Variants in ZNF423 observed in about 807,000 individuals in gnomAD.
ZNF423 encodes the protein zinc finger protein 423.
A neutral mutation model predicts 95.8 loss-of-function variants in ZNF423; 12 were observed. That is an observed-to-expected ratio of 0.13 (90% CI 0.08 to 0.20). The LOEUF (loss-of-function observed/expected upper bound fraction) is 0.20. ZNF423 is among the 10% of genes least tolerant of loss of function. The pLI, the probability that ZNF423 is intolerant of heterozygous loss-of-function variation, is 1.00. For missense variants in ZNF423, 1,316 were observed against 1,737.1 expected (o/e 0.76, Z 4.31); for synonymous variants, 749 against 711.9 (o/e 1.05, Z -0.83).
In ZNF423 at chr16:49,620,132, T is replaced by TACACAC. The variant is rs56739115; in HGVS notation, c.3601+6032_3601+6037dup. On this transcript the variant is annotated intron_variant, in intron 5 of 7. Coordinates refer to ENST00000563137, the MANE Select transcript of ZNF423 (RefSeq NM_001379286.1). ...TCTCCCTCTTTCCCTCTCTCTCTTCTACACACACACACACACACACACACA... is the reference window on the plus strand; with the variant it reads ...TCTCCCTCTTTCCCTCTCTCTCTTCTACACACACACACACACACACACACACACACA... Among the ~76,000 whole-genome samples, 872 of 143,858 alleles carry TACACAC rather than the reference T, an allele frequency of 6.1e-3. 5 individuals carry two copies. The highest frequency in any genetic ancestry group is 0.019 in the African/African-American group (760 of 39,164). The allele number at this position is 143,858 out of a possible 152,430, so 94.4% of individuals were successfully genotyped here. A position where few individuals can be genotyped will look rare whatever the true frequency, so the allele number is the denominator to read the frequency against.
chr16:49,795,758 G>A (rs1338157426), intron 1 of ZNF423, among the ~76,000 whole-genome samples: 1 of 152,238 alleles, frequency 6.6e-6, no homozygotes, highest in Non-Finnish European at 1.5e-5. Context: ...CCCCCAAGCT[G>A]TGGAGACTGA....
Position 49,833,922 on chromosome 16 carries a change from C to CCA in ZNF423, c.40+21811_40+21812dup, listed in dbSNP as rs1457797770. 2.6e-5 allele frequency among the ~76,000 whole-genome samples: 4 copies of CCA among 152,162 alleles called. No individual in the cohort carries two copies. The East Asian group carries it at 7.7e-4, about 29-fold the overall frequency. On this transcript the variant is annotated intron_variant, in intron 1 of 7. Transcript: ENST00000563137. The stretch of plus-strand genomic sequence containing the variant: ...CACTTGGCTCCTGTACTCGGTCAGG[C>CCA]CACTGGACCACAGAACTGGAACTCA...
At chr16:49,854,420 C>T (rs1277561119) in intron 1 of ZNF423, 1 of 985,408 alleles carries the variant, frequency 1.0e-6, no homozygotes, top group Non-Finnish European at 1.2e-6. Flanking sequence ...TCCAGCCAGG[C>T]GCAAGGCTGG....
At chr16:49,698,183 CTTGT>C (rs994427653) in intron 3 of ZNF423, among the ~76,000 whole-genome samples, 2 of 152,290 alleles carry the variant, frequency 1.3e-5, no homozygotes, top group South Asian at 2.1e-4. Flanking sequence ...CTTTTTCTGA[CTTGT>C]TTGTTTGTAA....
rs137872789 is a variant in ZNF423 at position 49,828,725 on chromosome 16, T to G, written c.40+27010A>C. 6.2e-4 allele frequency among the ~76,000 whole-genome samples: 95 copies of G among 152,350 alleles called. 2 individuals carry two copies. The highest frequency in any genetic ancestry group is 2.3e-3 in the African/African-American group (95 of 41,586). ...GGCGCCATGCTCCAGGCGAGTCCTGTGTGGATCCTTGTACATACACTACAG... is the reference window on the plus strand; with the variant it reads ...GGCGCCATGCTCCAGGCGAGTCCTGGGTGGATCCTTGTACATACACTACAG... On this transcript the variant is annotated intron_variant, in intron 1 of 7. Coordinates refer to ENST00000563137, the MANE Select transcript of ZNF423 (RefSeq NM_001379286.1).
At chr16:49,765,425 A>G (rs923132957) in intron 2 of ZNF423, among the ~76,000 whole-genome samples, 7 of 152,072 alleles carry the variant, frequency 4.6e-5, no homozygotes, top group Non-Finnish European at 8.8e-5. Flanking sequence ...ATAAAAACAA[A>G]TTTTCCTGGG....
chr16:49,492,784 G>C lies in ZNF423; in HGVS notation c.3850-1480C>G, dbSNP rs895774555. On this transcript the variant is annotated intron_variant, in intron 7 of 7. Coordinates refer to ENST00000563137, the MANE Select transcript of ZNF423 (RefSeq NM_001379286.1). This position sits in a 1 kb window ranked among gnomAD's most constrained non-coding sequence, Gnocchi z 4.2. Reference sequence around the variant, plus strand: ...TCAATCCTCACAACAGCCTTGCGAGGTGGGACTTCTTAAGATGAAGACACC... The same window carrying C: ...TCAATCCTCACAACAGCCTTGCGAGCTGGGACTTCTTAAGATGAAGACACC... Among the ~76,000 whole-genome samples the C allele has an allele frequency of 2.6e-5, 4 of 152,326 alleles. No homozygotes were observed. The East Asian group carries it at 7.7e-4, about 29-fold the overall frequency.
intron 1 of ZNF423, among the ~76,000 whole-genome samples, chr16:49,848,108 A>G (rs1035804602): frequency 6.6e-6 from 1 of 152,102 alleles, no homozygotes; most frequent in African/African-American, 2.4e-5. Context: ...TGTCTGTAAA[A>G]AAAGGAAAAA....
intron 2 of ZNF423, among the ~76,000 whole-genome samples, chr16:49,768,694 A>G (rs1178901483): frequency 6.6e-6 from 1 of 151,966 alleles, no homozygotes; most frequent in Non-Finnish European, 1.5e-5. Flanking sequence ...TGCAATGTCA[A>G]CGTGGCCCTA....
At chr16:49,587,325 C>T (rs184395374) in intron 5 of ZNF423, among the ~76,000 whole-genome samples, 11 of 152,272 alleles carry the variant, frequency 7.2e-5, no homozygotes, top group Admixed American at 2.6e-4. Context: ...CTGCATTTGG[C>T]GAATGTTCGA....
chr16:49,714,111 T>A (rs891738361), intron 3 of ZNF423, among the ~76,000 whole-genome samples: 7 of 152,108 alleles, frequency 4.6e-5, no homozygotes, highest in African/African-American at 1.7e-4. Flanking sequence ...TCAAATCCCA[T>A]CCCCAGGAGC....
chr16:49,754,003 C>G (rs2033678945), intron 2 of ZNF423, among the ~76,000 whole-genome samples: 13 of 151,030 alleles, frequency 8.6e-5, no homozygotes, highest in Admixed American at 7.9e-4. Flanking sequence ...TACACTCCAG[C>G]CTGGGCGACA....
intron 5 of ZNF423, among the ~76,000 whole-genome samples, chr16:49,532,495 C>T (rs935067290): frequency 6.6e-6 from 1 of 152,206 alleles, no homozygotes; most frequent in Admixed American, 6.5e-5. Context: ...ATCGTATGGT[C>T]CCCTGTGTTT....
chr16:49,537,503 G>T (rs556454160), intron 5 of ZNF423, among the ~76,000 whole-genome samples: 1 of 152,286 alleles, frequency 6.6e-6, no homozygotes, highest in African/African-American at 2.4e-5. Context: ...TGGAATAAAT[G>T]AATACATTCA....
chr16:49,642,801 CTTTTT>C (rs55662710), intron 3 of ZNF423, among the ~76,000 whole-genome samples: 105 of 91,560 alleles, frequency 1.1e-3, no homozygotes, highest in Middle Eastern at 6.7e-3. Context: ...GTTCTCTTTT[CTTTTT>C]TTTTTTTTTT....
chr16:49,693,779 C>G (rs1431719378), intron 3 of ZNF423, among the ~76,000 whole-genome samples: 2 of 152,158 alleles, frequency 1.3e-5, no homozygotes, highest in Non-Finnish European at 2.9e-5. Context: ...TTAGGAAGAG[C>G]CTGGCAGAGA....
chr16:49,766,020 A>G (rs2033922894), intron 2 of ZNF423, among the ~76,000 whole-genome samples: 1 of 152,216 alleles, frequency 6.6e-6, no homozygotes, highest in Non-Finnish European at 1.5e-5. Context: ...GCTGCACGAG[A>G]ATGTGAATGT....
At chr16:49,590,373 C>A (rs1037868769) in intron 5 of ZNF423, among the ~76,000 whole-genome samples, 8 of 152,104 alleles carry the variant, frequency 5.3e-5, no homozygotes, top group Non-Finnish European at 1.2e-4. Context: ...CAAGCCACAG[C>A]ACTCACACCG....
intron 3 of ZNF423, among the ~76,000 whole-genome samples, chr16:49,702,534 A>AG (rs2032215923): frequency 6.6e-6 from 1 of 151,516 alleles, no homozygotes; most frequent in Admixed American, 6.6e-5. Flanking sequence ...CAAATTGAGG[A>AG]GGGGGCAGGG....
Sources: allele counts gnomAD v4.1 joint callset (sites outside exome capture counted in the v4.1 genomes callset), GRCh38; gene constraint gnomAD v4.1.1; non-coding constraint Gnocchi (gnomAD v3.1); transcripts MANE v1.5; gene names NCBI Gene and HGNC (gene_info 2026-07-23, HGNC 2026-07-21).